The following C2orf80 variants were observed in gnomAD, a reference collection of about 807,000 sequenced individuals.
The protein encoded by C2orf80 is chromosome 2 open reading frame 80.
In C2orf80, 28 loss-of-function variants were observed where a neutral mutation model predicts 30.2. That is an observed-to-expected ratio of 0.93 (90% CI 0.69 to 1.27). C2orf80 has a LOEUF of 1.27. C2orf80 is among the 50% of genes most tolerant of loss of function. The pLI is 0.00. For synonymous variants in C2orf80, 80 were observed against 76.4 expected, an observed-to-expected ratio of 1.05 and a Z score of -0.24; for missense variants, 220 against 231.0, an observed-to-expected ratio of 0.95 and a Z score of 0.31.
rs1559340505 is a variant in C2orf80 at position 208,176,948 on chromosome 2, C to CAG, written c.366+3796_366+3797insCT. Among the ~76,000 whole-genome samples the CAG allele has an allele frequency of 6.3e-5, 7 of 110,696 alleles. 1 individual carries two copies. Among genetic ancestry groups the CAG allele is most frequent in the African/African-American group, 2.0e-4 (6 of 30,534 alleles). 72.6% of individuals were successfully genotyped at this position (110,696 alleles called of 152,430 possible). A position where few individuals can be genotyped will look rare whatever the true frequency, so the allele number is the denominator to read the frequency against. Reference sequence around the variant, plus strand: ...ATACATATGTATACATATCTGTATACATATCTGTATACATATGTATACATA... The same window carrying CAG: ...ATACATATGTATACATATCTGTATACAGATATCTGTATACATATGTATACATA... On this transcript the variant is annotated intron_variant, in intron 6 of 8. Transcript: ENST00000341287.
intron 6 of C2orf80, among the ~76,000 whole-genome samples, chr2:208,176,941 C>CCGTATACATATGTATACAGATA (rs1696341194): frequency 3.3e-5 from 1 of 30,220 alleles, no homozygotes; most frequent in East Asian, 4.3e-4. Context: ...GTATACATAT[C>CCGTATACATATGTATACAGATA]TGTATACATA....
chr2:208,178,339 G>C (rs1357230165), intron 6 of C2orf80, among the ~76,000 whole-genome samples: 1 of 152,118 alleles, frequency 6.6e-6, no homozygotes, highest in Non-Finnish European at 1.5e-5. Context: ...AAGGTGACAG[G>C]GAGAAAACAG....
chr2:208,169,311 A>G (rs1321319397), intron 8 of C2orf80, among the ~76,000 whole-genome samples: 1 of 61,380 alleles, frequency 1.6e-5, no homozygotes, highest in Admixed American at 1.9e-4. Flanking sequence ...TGGAGTTGTT[A>G]CTGTTTTTTC....
chr2:208,174,013 C>A (rs774602980), intron 6 of C2orf80, among the ~76,000 whole-genome samples: 1 of 152,020 alleles, frequency 6.6e-6, no homozygotes, highest in Non-Finnish European at 1.5e-5. Flanking sequence ...AGTGCAGTGG[C>A]GAGATCTTGG....
intron 6 of C2orf80, among the ~76,000 whole-genome samples, chr2:208,175,734 A>AT (rs1178763848): frequency 7.7e-6 from 1 of 129,088 alleles, no homozygotes; most frequent in African/African-American, 3.3e-5. Context: ...CTCTTGCAAT[A>AT]TCGTTTTTTT....
intron 6 of C2orf80, among the ~76,000 whole-genome samples, chr2:208,176,941 C>A (rs201336011): frequency 0.074 from 2,237 of 30,156 alleles, 470 homozygotes; most frequent in African/African-American, 0.19. Context: ...GTATACATAT[C>A]TGTATACATA....
chr2:208,177,733 G>A (rs1559341324), intron 6 of C2orf80, among the ~76,000 whole-genome samples: 1 of 152,122 alleles, frequency 6.6e-6, no homozygotes, highest in Non-Finnish European at 1.5e-5. Context: ...GAATAAATGA[G>A]TGATCAGATG....
intron 8 of C2orf80, among the ~76,000 whole-genome samples, chr2:208,166,608 A>G (rs1397001980): frequency 6.6e-6 from 1 of 151,908 alleles, no homozygotes; most frequent in Non-Finnish European, 1.5e-5. Context: ...ATTTCTCATG[A>G]GTGGTGATGA....
In C2orf80 at chr2:208,172,000, C is replaced by T. The variant is rs559550517; in HGVS notation, c.442G>A (p.Ala148Thr). ...TAACCAGGCTTACTCTGTTTGCGGGCGTATGCTGCTGCTTTGGGTGCTGTT... is the reference window on the plus strand; with the variant it reads ...TAACCAGGCTTACTCTGTTTGCGGGTGTATGCTGCTGCTTTGGGTGCTGTT... ...MLTAPKAAAY[A>T]RKQSVKSRKV... The change falls in exon 7 of 9, where the codon GCC (alanine) becomes ACC (threonine). Residue 148 changes from alanine (A) to threonine (T), a missense_variant. Physicochemically the swap from Ala to Thr is moderately conservative, Grantham distance 58 (BLOSUM62 0). Coordinates refer to ENST00000341287, the MANE Select transcript of C2orf80 (RefSeq NM_001099334.3). The T allele has an allele frequency of 5.5e-5, 89 of 1,613,640 alleles. No individual in the cohort carries two copies. The highest frequency in any genetic ancestry group is 3.2e-4 in the African/African-American group (24 of 75,022).
chr2:208,171,733 G>GTCACTCCAT (rs149518601), intron 7 of C2orf80, among the ~76,000 whole-genome samples: 1 of 151,646 alleles, frequency 6.6e-6, no homozygotes, highest in Non-Finnish European at 1.5e-5. Context: ...ACCAGTGTGA[G>GTCACTCCAT]CCAGCCCACT....
intron 2 of C2orf80, among the ~76,000 whole-genome samples, chr2:208,186,460 A>G (rs1330398683): frequency 1.3e-5 from 2 of 152,218 alleles, no homozygotes; most frequent in African/African-American, 2.4e-5. Flanking sequence ...CTTTCACAGG[A>G]AACTTGATGT....
intron 8 of C2orf80, among the ~76,000 whole-genome samples, chr2:208,167,471 G>A (rs1695933843): frequency 1.3e-5 from 2 of 151,836 alleles, no homozygotes; most frequent in Non-Finnish European, 2.9e-5. Context: ...GCAGTGAGCC[G>A]AGATAACACC....
intron 1 of C2orf80, 62 bp from the exon 2 acceptor site, chr2:208,187,123 G>T: frequency 1.3e-6 from 1 of 766,502 alleles, no homozygotes; most frequent in Non-Finnish European, 2.2e-6. Context: ...TACCAGTCAT[G>T]GAGTCCTAGG....
At chr2:208,186,673 G>C (rs1372412112) in intron 2 of C2orf80, among the ~76,000 whole-genome samples, 2 of 152,150 alleles carry the variant, frequency 1.3e-5, no homozygotes, top group African/African-American at 4.8e-5. Flanking sequence ...CTGGGACATA[G>C]GCTCAGCTCT....
intron 1 of C2orf80, among the ~76,000 whole-genome samples, chr2:208,188,152 A>G (rs369102117): frequency 9.9e-4 from 149 of 149,970 alleles, no homozygotes; most frequent in African/African-American, 3.6e-3. Flanking sequence ...TGTCAGTTCA[A>G]TTTCTCTGAG....
chr2:208,176,940 T>TGTATA lies in C2orf80; in HGVS notation c.366+3804_366+3805insTATAC, dbSNP rs1696340760. On this transcript the variant is annotated intron_variant, in intron 6 of 8. Transcript: ENST00000341287. ...ATATCTGTATACATATGTATACATATCTGTATACATATCTGTATACATATG... is the reference window on the plus strand; with the variant it reads ...ATATCTGTATACATATGTATACATATGTATACTGTATACATATCTGTATACATATG... 1.9e-4 allele frequency among the ~76,000 whole-genome samples: 9 copies of TGTATA among 47,014 alleles called. 1 individual carries two copies. Among genetic ancestry groups the TGTATA allele is most frequent in the African/African-American group, 5.6e-4 (6 of 10,756 alleles). The allele number at this position is 47,014 out of a possible 152,430, so 30.8% of individuals were successfully genotyped here.
At chr2:208,188,020 C>T (rs1574378364) in intron 1 of C2orf80, among the ~76,000 whole-genome samples, 1 of 151,956 alleles carries the variant, frequency 6.6e-6, no homozygotes, top group East Asian at 1.9e-4. Context: ...CAAGACTCCA[C>T]AATCATGTGA....
chr2:208,176,455 C>T (rs1442730257), intron 6 of C2orf80, among the ~76,000 whole-genome samples: 2 of 152,190 alleles, frequency 1.3e-5, no homozygotes, highest in African/African-American at 2.4e-5. Flanking sequence ...GGATTACTGG[C>T]GTGAGCCACG....
chr2:208,173,293 GAA>G (rs1364734866), intron 6 of C2orf80, among the ~76,000 whole-genome samples: 4 of 148,996 alleles, frequency 2.7e-5, no homozygotes, highest in African/African-American at 5.2e-5. Context: ...AATGAAAAAA[GAA>G]AGACATTAAA....
Sources: gnomAD v4.1 joint callset for allele counts (sites outside exome capture counted in the v4.1 genomes callset) on GRCh38, gnomAD v4.1.1 for gene constraint, MANE v1.5 for transcripts, NCBI Gene and HGNC (gene_info 2026-07-23, HGNC 2026-07-21) for gene names.